CNTN4: variants seen among roughly 807,000 people sequenced by gnomAD.
CNTN4 encodes contactin 4.
A neutral mutation model predicts 122.5 loss-of-function variants in CNTN4; 77 were observed. That is an observed-to-expected ratio of 0.63 (90% CI 0.52 to 0.76). The LOEUF is 0.76. CNTN4 is among the 30% of genes least tolerant of loss of function. The pLI is 0.00. For missense variants in CNTN4, 1,256 were observed against 1,259.1 expected (o/e 1.00, Z 0.04); for synonymous variants, 512 against 447.0 (o/e 1.15, Z -1.83).
intron 4 of CNTN4, among the ~76,000 whole-genome samples, chr3:2,615,776 T>C (rs1241281062): frequency 6.6e-6 from 1 of 152,120 alleles, no homozygotes; most frequent in East Asian, 1.9e-4. Flanking sequence ...AATTAGCTTG[T>C]GAGGGAGGCT....
rs567318461 is a variant in CNTN4 at position 2,603,447 on chromosome 3, T to G, written c.55+31889T>G. On this transcript the variant is annotated intron_variant, in intron 4 of 24. Coordinates refer to ENST00000418658, the MANE Select transcript of CNTN4 (RefSeq NM_175607.3). ...GTGAGAGAAGCAGGTAATCAAATCTTTACAGAAACAAAATCCTACAGAAAA... is the reference window on the plus strand; with the variant it reads ...GTGAGAGAAGCAGGTAATCAAATCTGTACAGAAACAAAATCCTACAGAAAA... Among the ~76,000 whole-genome samples, 176 of 152,264 alleles carry G rather than the reference T, an allele frequency of 1.2e-3. 2 individuals are homozygous for G. Among genetic ancestry groups the G allele is most frequent in the African/African-American group, 4.1e-3 (170 of 41,538 alleles).
intron 3 of CNTN4, among the ~76,000 whole-genome samples, chr3:2,381,955 A>G (rs2046039775): frequency 6.6e-6 from 1 of 152,176 alleles, no homozygotes; most frequent in Non-Finnish European, 1.5e-5. Context: ...ACTGGCAAGA[A>G]AATGTATTGT....
intron 4 of CNTN4, among the ~76,000 whole-genome samples, chr3:2,654,460 C>T (rs1454210361): frequency 6.6e-6 from 1 of 152,124 alleles, no homozygotes; most frequent in African/African-American, 2.4e-5. Context: ...CTTTGTAATC[C>T]TAAGATACAA....
At chr3:2,977,340 A>C (rs1426235801) in intron 13 of CNTN4, among the ~76,000 whole-genome samples, 1 of 152,192 alleles carries the variant, frequency 6.6e-6, no homozygotes, top group Non-Finnish European at 1.5e-5. Flanking sequence ...TAACAAGAAA[A>C]AGATCAAATG....
rs376848969 is a variant in CNTN4 at position 2,970,910 on chromosome 3, C to G, written c.1359-17435C>G. Among the ~76,000 whole-genome samples, 57 of 152,222 alleles carry G rather than the reference C, an allele frequency of 3.7e-4. No homozygotes were observed. In the East Asian group the frequency reaches 9.9e-3, roughly 26 times the overall value. ...TCAAGTGATTCTCCTGACTCAGCCC[C>G]CCGAGTAGCTGAGATTACAGGTGCC... On this transcript the variant is annotated intron_variant, in intron 13 of 24. Transcript: ENST00000418658.
At chr3:2,990,839 A>G (rs1036829816) in intron 14 of CNTN4, among the ~76,000 whole-genome samples, 1 of 152,222 alleles carries the variant, frequency 6.6e-6, no homozygotes, top group Non-Finnish European at 1.5e-5. Flanking sequence ...TCACCCAAGT[A>G]AGTATAGGAT....
chr3:2,199,726 A>T (rs924450881), intron 2 of CNTN4, among the ~76,000 whole-genome samples: 1 of 152,230 alleles, frequency 6.6e-6, no homozygotes, highest in African/African-American at 2.4e-5. Flanking sequence ...TAAATAACAT[A>T]GCATGTAAAT....
intron 3 of CNTN4, among the ~76,000 whole-genome samples, chr3:2,568,316 T>TG (rs1198083009): frequency 9.3e-4 from 24 of 25,920 alleles, no homozygotes; most frequent in South Asian, 3.1e-3. Flanking sequence ...TGCAAGAATG[T>TG]GAAAAAAAAA....
At chr3:2,895,920 CT>C (rs2094108163) in intron 10 of CNTN4, among the ~76,000 whole-genome samples, 1 of 152,146 alleles carries the variant, frequency 6.6e-6, no homozygotes, top group Non-Finnish European at 1.5e-5. Context: ...GTGGTCCCAG[CT>C]ACTCGGGAGG....
chr3:2,170,324 CA>C (rs1465774643), intron 2 of CNTN4, among the ~76,000 whole-genome samples: 1 of 151,160 alleles, frequency 6.6e-6, no homozygotes, highest in Admixed American at 6.6e-5. Flanking sequence ...CGTCTCAAAA[CA>C]AAAAAACAAC....
At chr3:2,227,347 A>G (rs947084732) in intron 2 of CNTN4, among the ~76,000 whole-genome samples, 4 of 152,162 alleles carry the variant, frequency 2.6e-5, no homozygotes, top group African/African-American at 9.6e-5. Flanking sequence ...ATGCCAAGAG[A>G]GCAAGTAATA....
intron 2 of CNTN4, among the ~76,000 whole-genome samples, chr3:2,164,294 A>G (rs2036099526): frequency 1.3e-5 from 2 of 152,202 alleles, no homozygotes; most frequent in Admixed American, 6.5e-5. Flanking sequence ...AATGGATGCT[A>G]CTGACCAAAT....
intron 13 of CNTN4, among the ~76,000 whole-genome samples, chr3:2,942,546 CAT>C (rs1218226899): frequency 1.3e-5 from 2 of 152,130 alleles, no homozygotes; most frequent in African/African-American, 4.8e-5. Flanking sequence ...TTTGGCAAAT[CAT>C]GTGGTGATGG....
intron 3 of CNTN4, among the ~76,000 whole-genome samples, chr3:2,368,679 CTG>C (rs1247406865): frequency 2.0e-5 from 3 of 149,526 alleles, no homozygotes; most frequent in Non-Finnish European, 4.4e-5. Flanking sequence ...TAAAAAAAAA[CTG>C]AACAGAAGTG....
intron 4 of CNTN4, among the ~76,000 whole-genome samples, chr3:2,650,301 A>G (rs572780614): frequency 2.0e-5 from 3 of 152,168 alleles, no homozygotes; most frequent in African/African-American, 7.2e-5. Flanking sequence ...GAAGTGATTG[A>G]ATCGCTGCCA....
chr3:2,338,308 T>C (rs1162776923), intron 2 of CNTN4, among the ~76,000 whole-genome samples: 1 of 152,012 alleles, frequency 6.6e-6, no homozygotes, highest in Non-Finnish European at 1.5e-5. Flanking sequence ...AGGCATACAC[T>C]TAAGAAAAGA....
At chr3:2,794,910 C>G (rs191425821) in intron 6 of CNTN4, among the ~76,000 whole-genome samples, 8 of 152,198 alleles carry the variant, frequency 5.3e-5, no homozygotes, top group Admixed American at 2.0e-4. Context: ...GGGACTAATC[C>G]CATTCATGAG....
At chr3:2,753,416 A>G (rs2090188881) in intron 6 of CNTN4, among the ~76,000 whole-genome samples, 1 of 152,242 alleles carries the variant, frequency 6.6e-6, no homozygotes, top group Non-Finnish European at 1.5e-5. Flanking sequence ...TATTATACTA[A>G]GCACTTTGGA....
chr3:2,230,314 A>G (rs1350949283), intron 2 of CNTN4, among the ~76,000 whole-genome samples: 5 of 152,178 alleles, frequency 3.3e-5, no homozygotes, highest in East Asian at 3.9e-4. Context: ...GAGCTCTCAT[A>G]TATACCTTGC....
Sources: allele counts gnomAD v4.1 joint callset (sites outside exome capture counted in the v4.1 genomes callset), GRCh38; gene constraint gnomAD v4.1.1; transcripts MANE v1.5; gene names NCBI Gene and HGNC (gene_info 2026-07-23, HGNC 2026-07-21).